Variants in NTM observed in about 807,000 individuals in gnomAD.
NTM encodes neurotrimin, also known as IgLON family member 2.
A neutral mutation model predicts 42.1 loss-of-function variants in NTM; 13 were observed. The ratio of observed to expected loss-of-function variants is 0.31; its 90% CI spans 0.20 to 0.49. The LOEUF is 0.49. NTM is among the 20% of genes least tolerant of loss of function. The pLI, the probability that NTM is intolerant of heterozygous loss-of-function variation, is 0.99. For synonymous variants in NTM, 187 were observed against 179.2 expected (o/e 1.04, Z -0.35); for missense variants, 373 against 452.8 (o/e 0.82, Z 1.60).
At chr11:132,097,076 A>G (rs1376843665) in intron 2 of NTM, among the ~76,000 whole-genome samples, 1 of 152,204 alleles carries the variant, frequency 6.6e-6, no homozygotes, top group Non-Finnish European at 1.5e-5. Context: ...GTTATTTTGG[A>G]CTTAATCTCT....
At chr11:132,116,469 G>T (rs1294783674) in intron 2 of NTM, among the ~76,000 whole-genome samples, 1 of 152,216 alleles carries the variant, frequency 6.6e-6, no homozygotes, top group Non-Finnish European at 1.5e-5. Flanking sequence ...TCTGGATACA[G>T]AGCAAGGCAG....
At chr11:131,444,539 T>A (rs1384971875) in intron 1 of NTM, among the ~76,000 whole-genome samples, 2 of 152,020 alleles carry the variant, frequency 1.3e-5, no homozygotes, top group Non-Finnish European at 2.9e-5. Context: ...TCATGGACTA[T>A]GTTTTGAGAA....
In NTM at chr11:132,156,246, G is replaced by C. The variant is rs1244405212; in HGVS notation, c.400+9732G>C. On this transcript the variant is annotated intron_variant, in intron 3 of 8. Transcript: ENST00000683400. The stretch of plus-strand genomic sequence containing the variant: ...AGGCTCCAGGGGACCTCTGCTCCTG[G>C]TTCATGCCATGTCCTGCCTCACTAT... 3.3e-5 allele frequency among the ~76,000 whole-genome samples: 5 copies of C among 152,244 alleles called. No individual in the cohort carries two copies. In the East Asian group the frequency reaches 7.7e-4, roughly 24 times the overall value.
chr11:131,515,088 AT>A (rs896252631), intron 1 of NTM, among the ~76,000 whole-genome samples: 3 of 151,888 alleles, frequency 2.0e-5, no homozygotes, highest in East Asian at 2.0e-4. Context: ...AGTTTTATAA[AT>A]TTTTTTGTAG....
intron 1 of NTM, among the ~76,000 whole-genome samples, chr11:131,530,732 C>T (rs769568060): frequency 4.6e-5 from 7 of 152,142 alleles, no homozygotes; most frequent in South Asian, 2.1e-4. Context: ...GGAGGGCCAA[C>T]GACCCCCTTA....
In NTM at chr11:132,222,655, A is replaced by C. The variant is rs563471283; in HGVS notation, c.526+10508A>C. Among the ~76,000 whole-genome samples the C allele has an allele frequency of 3.3e-5, 5 of 152,280 alleles. No homozygotes were observed. The East Asian group carries it at 9.7e-4, about 29-fold the overall frequency. ...GGCACAGCCGCAGCCTGCCTTTTGC[A>C]CTAGAACCCGGAGTCCTGAAGATGT... On this transcript the variant is annotated intron_variant, in intron 4 of 8. Transcript: ENST00000683400.
intron 1 of NTM, among the ~76,000 whole-genome samples, chr11:131,419,143 A>G (rs546825555): frequency 1.5e-5 from 2 of 137,594 alleles, no homozygotes; most frequent in Admixed American, 1.6e-4. Flanking sequence ...GAAGCTAAGT[A>G]TACCTTGGTT....
At chr11:132,083,968 T>A (rs540741886) in intron 2 of NTM, among the ~76,000 whole-genome samples, 5 of 151,860 alleles carry the variant, frequency 3.3e-5, no homozygotes, top group East Asian at 3.9e-4. Context: ...AAAAAAAAAA[T>A]TAGCAATATT....
At chr11:131,794,996 A>G (rs1442916698) in intron 1 of NTM, 3 of 985,364 alleles carry the variant, frequency 3.0e-6, no homozygotes, top group East Asian at 1.1e-4. Flanking sequence ...TGGGCAGGCT[A>G]CAGAAGTACT....
chr11:131,405,451 T>C (rs1945708307), intron 1 of NTM, among the ~76,000 whole-genome samples: 1 of 152,148 alleles, frequency 6.6e-6, no homozygotes, highest in Non-Finnish European at 1.5e-5. Flanking sequence ...CTAAGATTTT[T>C]CCTTGTCCTT....
intron 2 of NTM, among the ~76,000 whole-genome samples, chr11:131,989,721 A>G (rs1182614035): frequency 3.8e-5 from 4 of 106,276 alleles, no homozygotes; most frequent in African/African-American, 1.4e-4. Flanking sequence ...ATACATGCAC[A>G]CACACACACA....
At chr11:131,800,727 T>C (rs988982855) in intron 1 of NTM, among the ~76,000 whole-genome samples, 2 of 152,076 alleles carry the variant, frequency 1.3e-5, no homozygotes, top group Non-Finnish European at 2.9e-5. Flanking sequence ...TGCAAGGAGA[T>C]TTCAAGTGCA....
chr11:131,475,258 A>G (rs1952810104), intron 1 of NTM, among the ~76,000 whole-genome samples: 1 of 152,224 alleles, frequency 6.6e-6, no homozygotes, highest in Admixed American at 6.5e-5. Context: ...GTGGGGCTTG[A>G]GGAAGCTGAT....
intron 1 of NTM, among the ~76,000 whole-genome samples, chr11:131,685,715 A>G (rs1395487156): frequency 6.6e-6 from 1 of 152,190 alleles, no homozygotes; most frequent in Non-Finnish European, 1.5e-5. Flanking sequence ...AAGGATTTCA[A>G]TGTGACATAG....
chr11:132,317,633 G>A (rs905145786), intron 7 of NTM: 2 of 1,297,164 alleles, frequency 1.5e-6, no homozygotes, highest in African/African-American at 1.5e-5. Context: ...TTTCTCTCCT[G>A]TGTGTCCCTC....
chr11:131,403,128 C>G (rs1410296422), intron 1 of NTM, among the ~76,000 whole-genome samples: 1 of 152,144 alleles, frequency 6.6e-6, no homozygotes, highest in Non-Finnish European at 1.5e-5. Flanking sequence ...GTCACTGTTC[C>G]CTGAGAGGAG....
intron 2 of NTM, among the ~76,000 whole-genome samples, chr11:131,974,859 AG>A (rs906297941): frequency 6.6e-6 from 1 of 152,164 alleles, no homozygotes; most frequent in African/African-American, 2.4e-5. Context: ...TCAAATTTAG[AG>A]GGGGAAATAA....
At chr11:131,723,592 A>G (rs2078619980) in intron 1 of NTM, among the ~76,000 whole-genome samples, 1 of 151,864 alleles carries the variant, frequency 6.6e-6, no homozygotes, top group Non-Finnish European at 1.5e-5. Flanking sequence ...TTCTATGCAA[A>G]GGATAGCAGA....
intron 2 of NTM, among the ~76,000 whole-genome samples, chr11:132,078,245 T>G (rs2058611076): frequency 6.6e-6 from 1 of 152,238 alleles, no homozygotes; most frequent in South Asian, 2.1e-4. Context: ...AAATGAGGAC[T>G]GCTTGGCCTG....
Sources: gnomAD v4.1 joint callset for allele counts (sites outside exome capture counted in the v4.1 genomes callset) on GRCh38, gnomAD v4.1.1 for gene constraint, MANE v1.5 for transcripts, NCBI Gene and HGNC (gene_info 2026-07-23, HGNC 2026-07-21) for gene names.